Variants in ZFHX3 observed in about 807,000 individuals in gnomAD.
The protein encoded by ZFHX3 is zinc finger homeobox protein 3.
Under a neutral mutation model 279.1 loss-of-function variants are expected in ZFHX3, and 42 were observed. The observed-to-expected ratio is 0.15, with a 90% CI of 0.12 to 0.19. ZFHX3 has a LOEUF of 0.19. Ranked by LOEUF, ZFHX3 falls within the 10% of genes least tolerant of loss-of-function variation. The pLI, the probability that ZFHX3 is intolerant of heterozygous loss-of-function variation, is 1.00. For synonymous variants in ZFHX3, 2,293 were observed against 1,957.8 expected, an observed-to-expected ratio of 1.17 and a Z score of -4.52; for missense variants, 4,981 against 4,754.0, an observed-to-expected ratio of 1.05 and a Z score of -1.40.
chr16:73,173,641 T>C (rs1230823406), intron 5 of ZFHX3, among the ~76,000 whole-genome samples: 4 of 152,136 alleles, frequency 2.6e-5, no homozygotes, highest in Non-Finnish European at 5.9e-5. Flanking sequence ...TGAAGAACTG[T>C]ATCCATGCAA....
intron 1 of ZFHX3, among the ~76,000 whole-genome samples, chr16:73,000,718 A>G (rs546838290): frequency 2.6e-5 from 4 of 152,262 alleles, no homozygotes; most frequent in African/African-American, 7.2e-5. Context: ...GACATGCCAC[A>G]CCCAGCAGAC....
intron 5 of ZFHX3, among the ~76,000 whole-genome samples, chr16:73,253,354 G>A (rs962813825): frequency 2.0e-5 from 3 of 152,144 alleles, no homozygotes; most frequent in African/African-American, 7.2e-5. Context: ...TCAATGGAAA[G>A]AGAAAGTTAA....
At chr16:73,884,063 T>G (rs1375177568) in intron 1 of ZFHX3, among the ~76,000 whole-genome samples, 1 of 152,200 alleles carries the variant, frequency 6.6e-6, no homozygotes, top group Non-Finnish European at 1.5e-5. Context: ...GAGTAACAGC[T>G]TTCGTTACAC....
intron 1 of ZFHX3, among the ~76,000 whole-genome samples, chr16:73,684,807 TCTC>T (rs1251105836): frequency 6.6e-6 from 1 of 151,412 alleles, no homozygotes; most frequent in African/African-American, 2.4e-5. Context: ...TTCAAGCAAT[TCTC>T]CTGCTTCAGC....
intron 2 of ZFHX3, chr16:73,558,422 G>A (rs1284358956): frequency 6.6e-6 from 1 of 152,214 alleles, no homozygotes; most frequent in African/African-American, 2.4e-5. Flanking sequence ...AGCACCATGT[G>A]GTGGGAGGGC....
intron 1 of ZFHX3, among the ~76,000 whole-genome samples, chr16:73,716,045 T>G (rs1171156115): frequency 6.6e-6 from 1 of 152,194 alleles, no homozygotes; most frequent in Non-Finnish European, 1.5e-5. Flanking sequence ...TTTATTGACG[T>G]CTTTTGTCTA....
chr16:73,552,510 C>G (rs940151563), intron 2 of ZFHX3, among the ~76,000 whole-genome samples: 2 of 152,122 alleles, frequency 1.3e-5, no homozygotes, highest in African/African-American at 4.8e-5. Flanking sequence ...ATAAAATCAC[C>G]TTGATTTTAA....
intron 7 of ZFHX3, among the ~76,000 whole-genome samples, chr16:73,117,562 T>C (rs1181265355): frequency 6.6e-6 from 1 of 152,212 alleles, no homozygotes; most frequent in Non-Finnish European, 1.5e-5. Context: ...CTATTAGTTT[T>C]TGGGGGGATG....
intron 4 of ZFHX3, among the ~76,000 whole-genome samples, chr16:72,834,359 A>T (rs2037133694): frequency 6.6e-6 from 1 of 152,242 alleles, no homozygotes; most frequent in Non-Finnish European, 1.5e-5. Flanking sequence ...CTCATCACTC[A>T]GGCTTCCTGA....
At chr16:73,062,379 G>A (rs1358780773), upstream of ZFHX3, 2 of 152,196 alleles carry the variant, frequency 1.3e-5, no homozygotes, top group Non-Finnish European at 2.9e-5. Context: ...TATACAAGGT[G>A]TACATAAATT....
chr16:73,851,731 T>A (rs1385875563), intron 1 of ZFHX3, among the ~76,000 whole-genome samples: 1 of 152,206 alleles, frequency 6.6e-6, no homozygotes, highest in Non-Finnish European at 1.5e-5. Context: ...CAAACATACA[T>A]ACTAAATTGA....
chr16:73,279,180 G>A (rs2014394446), intron 4 of ZFHX3, among the ~76,000 whole-genome samples: 1 of 151,980 alleles, frequency 6.6e-6, no homozygotes. Context: ...TAGGACAGAA[G>A]TTTTGACCCA....
chr16:73,039,390 G>A (rs8060701), intron 1 of ZFHX3, among the ~76,000 whole-genome samples: 21,301 of 152,210 alleles, frequency 0.14, 1,938 homozygotes, highest in African/African-American at 0.26. Context: ...TAAATGGGGG[G>A]AGTGGCCGGG....
chr16:73,277,896 G>A (rs576021718), intron 4 of ZFHX3, among the ~76,000 whole-genome samples: 235 of 152,270 alleles, frequency 1.5e-3, no homozygotes, highest in Non-Finnish European at 3.0e-3. Flanking sequence ...CAAGGCAGGA[G>A]CAAGAGAGAG....
intron 5 of ZFHX3, among the ~76,000 whole-genome samples, chr16:73,155,219 AT>A (rs961361671): frequency 2.0e-4 from 30 of 150,714 alleles, no homozygotes; most frequent in African/African-American, 6.1e-4. Context: ...AAATAAAAAG[AT>A]TTTTTTTTCA....
At chr16:73,086,926 C>T (rs1158170333) in intron 8 of ZFHX3, among the ~76,000 whole-genome samples, 1 of 151,604 alleles carries the variant, frequency 6.6e-6, no homozygotes, top group Non-Finnish European at 1.5e-5. Context: ...AAACAGAAAA[C>T]CAAAACCACA....
intron 1 of ZFHX3, among the ~76,000 whole-genome samples, chr16:73,026,679 A>AAAAAAC (rs1464960942): frequency 7.2e-6 from 1 of 139,174 alleles, no homozygotes; most frequent in Non-Finnish European, 1.5e-5. Context: ...GCCTCAAAAA[A>AAAAAAC]AAAAAAAAAA....
rs368453066 is a variant in ZFHX3, at chr16:72,960,182, C to T, written c.-37G>A. On this transcript the variant is annotated 5_prime_UTR_variant, in exon 2 of 10. Transcript: ENST00000268489. ...CGTGGAGCTTTCATTGCACCCAGTA[C>T]GGAGGCTCGGACCTGAAGGGCAGAG... The T allele has an allele frequency of 2.8e-4, 421 of 1,508,108 alleles. 5 individuals are homozygous for T. The highest frequency in any genetic ancestry group is 2.5e-3 in the South Asian group (178 of 71,994). 93.4% of individuals were successfully genotyped at this position (1,508,108 alleles called of 1,614,324 possible). A position where few individuals can be genotyped will look rare whatever the true frequency, so the allele number is the denominator to read the frequency against.
At chr16:72,798,828 G>C (rs2036004618) in intron 8 of ZFHX3, 114 bp from the exon 9 acceptor site, 1 of 1,434,438 alleles carries the variant, frequency 7.0e-7, no homozygotes, top group Non-Finnish European at 9.1e-7. Context: ...CTGATGATGA[G>C]GGAAGTGCCC....
Sources: gnomAD v4.1 joint callset for allele counts (sites outside exome capture counted in the v4.1 genomes callset) on GRCh38, gnomAD v4.1.1 for gene constraint, MANE v1.5 for transcripts, NCBI Gene and HGNC (gene_info 2026-07-23, HGNC 2026-07-21) for gene names.